FLRT1: variants seen among roughly 807,000 people sequenced by gnomAD.
The protein encoded by FLRT1 is leucine-rich repeat transmembrane protein FLRT1.
FLRT1 carries 14 observed loss-of-function variants against 30.9 expected under a neutral mutation model. The observed-to-expected ratio is 0.45, with a 90% CI of 0.30 to 0.71. The LOEUF (loss-of-function observed/expected upper bound fraction) is 0.71. FLRT1 is among the 30% of genes least tolerant of loss of function. The probability of loss-of-function intolerance (pLI) is 0.08; values close to 1 mark genes in which losing one functional copy is unlikely to be tolerated. For synonymous variants in FLRT1, 368 were observed against 430.4 expected (o/e 0.85, Z 1.80); for missense variants, 737 against 949.2 (o/e 0.78, Z 2.94).
intron 1 of FLRT1, among the ~76,000 whole-genome samples, chr11:64,045,247 C>T (rs1943562208): frequency 6.6e-6 from 1 of 152,192 alleles, no homozygotes; most frequent in Non-Finnish European, 1.5e-5. Context: ...GGCGAAGGGG[C>T]CCGGGAGGGT....
chr11:64,038,534 G>A (rs1943426038), intron 1 of FLRT1, among the ~76,000 whole-genome samples: 1 of 152,130 alleles, frequency 6.6e-6, no homozygotes, highest in Admixed American at 6.5e-5. Context: ...GGGGGCAGCT[G>A]TCAAGTGGCT....
intron 2 of FLRT1, among the ~76,000 whole-genome samples, chr11:64,114,463 AGATG>A (rs1261609173): frequency 9.3e-6 from 1 of 107,618 alleles, no homozygotes; most frequent in African/African-American, 3.7e-5. Flanking sequence ...ATGGATGGAT[AGATG>A]GATGGATGGA....
chr11:64,066,447 T>C (rs1175466636), intron 1 of FLRT1, among the ~76,000 whole-genome samples: 2 of 151,002 alleles, frequency 1.3e-5, no homozygotes, highest in Non-Finnish European at 2.9e-5. Context: ...AACCCCGCTA[T>C]CTCTACAAAA....
At chr11:64,092,822 A>G (rs1222896467) in intron 1 of FLRT1, among the ~76,000 whole-genome samples, 4 of 152,260 alleles carry the variant, frequency 2.6e-5, no homozygotes, top group African/African-American at 4.8e-5. Context: ...TGAAGAAGAC[A>G]TGAACGCTGG....
At chr11:64,065,168 G>A (rs538148325) in intron 1 of FLRT1, among the ~76,000 whole-genome samples, 2 of 152,200 alleles carry the variant, frequency 1.3e-5, no homozygotes, top group African/African-American at 2.4e-5. Flanking sequence ...CCCAGGGAAC[G>A]GGTGCAGGAC....
In FLRT1 at chr11:64,117,843, A is replaced by G. The variant is rs763429696; in HGVS notation, c.1576A>G (p.Lys526Glu). 1 of 1,614,198 alleles carries G rather than the reference A, an allele frequency of 6.2e-7. No individual in the cohort carries two copies. The highest frequency in any genetic ancestry group is 8.5e-7 in the Non-Finnish European group (1 of 1,180,052). ...AGCTGATGAGACACCCGTGTGTGCCAAGGCAGAGACAGCCGACAGCTATGG... is the reference window on the plus strand; with the variant it reads ...AGCTGATGAGACACCCGTGTGTGCCGAGGCAGAGACAGCCGACAGCTATGG... ...YVADETPVCA[K>E]AETADSYGPT... is the part of the protein sequence containing the mutation. Residue 526 changes from lysine to glutamate, a missense_variant, in exon 3 of 3, where the codon AAG (lysine) becomes GAG (glutamate). Physicochemically the swap from Lys to Glu is moderately conservative, Grantham distance 56 (BLOSUM62 1). Transcript: ENST00000682287.
Position 64,059,897 on chromosome 11 carries a change from C to T in FLRT1, c.-1038+23738C>T, listed in dbSNP as rs546964. Among the ~76,000 whole-genome samples the T allele has an allele frequency of 7.7e-3, 1,168 of 151,314 alleles. 12 individuals carry two copies. The highest frequency in any genetic ancestry group is 0.026 in the African/African-American group (1,070 of 41,438). On this transcript the variant is annotated intron_variant, in intron 1 of 2. Coordinates refer to ENST00000682287, the MANE Select transcript of FLRT1 (RefSeq NM_013280.5). The stretch of plus-strand genomic sequence containing the variant: ...GTCCAGCCCTTGAAGGCCGAGGAGG[C>T]GAGGCGAGGCTGGCAACCGCGACCT...
chr11:64,107,376 G>A (rs887158593), intron 2 of FLRT1, among the ~76,000 whole-genome samples: 2 of 137,944 alleles, frequency 1.4e-5, no homozygotes, highest in East Asian at 2.1e-4. Flanking sequence ...GTTTAATATC[G>A]AACACTGTTA....
chr11:64,055,747 T>C (rs1943774047), intron 1 of FLRT1, among the ~76,000 whole-genome samples: 1 of 152,104 alleles, frequency 6.6e-6, no homozygotes, highest in Non-Finnish European at 1.5e-5. Flanking sequence ...GGCAGGGGGA[T>C]TCCCTGCTCC....
At position 64,118,011 on chromosome 11, in the gene FLRT1, G is replaced by A. The variant is rs764755729; in HGVS notation, c.1744G>A (p.Glu582Lys). 3.7e-6 allele frequency: 6 copies of A among 1,613,510 alleles called. No homozygotes were observed. The highest frequency in any genetic ancestry group is 2.7e-5 in the African/African-American group (2 of 74,926). The change falls in exon 3 of 3, where the codon GAG (glutamate) becomes AAG (lysine). Residue 582 changes from glutamate (E) to lysine (K), a missense_variant. Coordinates refer to ENST00000682287, the MANE Select transcript of FLRT1 (RefSeq NM_013280.5). Reference sequence around the variant, plus strand: ...CTGCTGGTACGTGCACCAGGCTGGCGAGCTGCTGACCCGGGAGAGGGCCTA... The same window carrying A: ...CTGCTGGTACGTGCACCAGGCTGGCAAGCTGCTGACCCGGGAGAGGGCCTA... ...AICWYVHQAGELLTRERAYNR... is the reference protein window; with the variant it reads ...AICWYVHQAGKLLTRERAYNR...
chr11:64,093,975 G>A (rs1407941546), intron 1 of FLRT1, among the ~76,000 whole-genome samples: 1 of 152,218 alleles, frequency 6.6e-6, no homozygotes, highest in Non-Finnish European at 1.5e-5. Context: ...AGAAAGCACG[G>A]TGCCAGGGGA....
intron 1 of FLRT1, among the ~76,000 whole-genome samples, chr11:64,079,281 T>C (rs1180808963): frequency 6.6e-6 from 1 of 151,944 alleles, no homozygotes; most frequent in East Asian, 1.9e-4. Flanking sequence ...CTGTGCTGTG[T>C]GCAGCTGGCG....
chr11:64,052,432 T>C (rs1943712148), intron 1 of FLRT1, among the ~76,000 whole-genome samples: 1 of 152,298 alleles, frequency 6.6e-6, no homozygotes, highest in East Asian at 1.9e-4. Context: ...CATCTTAGTC[T>C]CTCTCCCCAG....
intron 1 of FLRT1, among the ~76,000 whole-genome samples, chr11:64,048,583 T>C (rs1188833404): frequency 6.6e-6 from 1 of 152,164 alleles, no homozygotes; most frequent in Non-Finnish European, 1.5e-5. Flanking sequence ...ATAACAGTCA[T>C]GGCAGCAGGG....
chr11:64,039,727 C>T (rs1720923898), intron 1 of FLRT1, among the ~76,000 whole-genome samples: 1 of 152,212 alleles, frequency 6.6e-6, no homozygotes, highest in African/African-American at 2.4e-5. Flanking sequence ...TCGCTCGAGG[C>T]CCCCAGAGCA....
chr11:64,068,744 G>C (rs1420506799), intron 1 of FLRT1, among the ~76,000 whole-genome samples: 2 of 152,238 alleles, frequency 1.3e-5, no homozygotes, highest in East Asian at 3.9e-4. Context: ...ACAGCTGCTA[G>C]CCTGGGAGCC....
At chr11:64,080,201 C>T (rs1439925879) in intron 1 of FLRT1, among the ~76,000 whole-genome samples, 2 of 152,012 alleles carry the variant, frequency 1.3e-5, no homozygotes, top group Non-Finnish European at 2.9e-5. Context: ...TTAGTAGAGA[C>T]GGGGTATCAA....
At chr11:64,046,706 T>C (rs2134401007) in intron 1 of FLRT1, among the ~76,000 whole-genome samples, 1 of 152,146 alleles carries the variant, frequency 6.6e-6, no homozygotes, top group East Asian at 1.9e-4. Context: ...ACCATGTTGG[T>C]CAGGCTGGCC....
chr11:64,045,429 A>T (rs1307788199), intron 1 of FLRT1, among the ~76,000 whole-genome samples: 1 of 152,220 alleles, frequency 6.6e-6, no homozygotes, highest in Non-Finnish European at 1.5e-5. Context: ...TGAAGAGCGC[A>T]GGAGAGAGGA....
Sources: allele counts gnomAD v4.1 joint callset (sites outside exome capture counted in the v4.1 genomes callset), GRCh38; gene constraint gnomAD v4.1.1; transcripts MANE v1.5; gene names NCBI Gene and HGNC (gene_info 2026-07-23, HGNC 2026-07-21).